PRKN: variants seen among roughly 807,000 people sequenced by gnomAD.
The protein encoded by PRKN is parkin RBR E3 ubiquitin protein ligase, also known as E3 ubiquitin-protein ligase parkin.
A neutral mutation model predicts 59.5 loss-of-function variants in PRKN; 56 were observed. The ratio of observed to expected loss-of-function variants is 0.94; its 90% CI spans 0.76 to 1.18. PRKN has a LOEUF of 1.18. Among genes scored for constraint, PRKN ranks in the 50% most tolerant of loss-of-function variants. The pLI is 0.00. For missense variants in PRKN, 657 were observed against 596.4 expected (o/e 1.10, Z -1.06); for synonymous variants, 250 against 222.1 (o/e 1.13, Z -1.12).
chr6:162,001,007 A>G (rs999149232), intron 5 of PRKN, among the ~76,000 whole-genome samples: 8 of 151,976 alleles, frequency 5.3e-5, no homozygotes, highest in East Asian at 1.9e-4. Flanking sequence ...CGATTTGTCT[A>G]TTCTTTTACT....
intron 4 of PRKN, among the ~76,000 whole-genome samples, chr6:162,087,983 T>A (rs1197434023): frequency 6.6e-6 from 1 of 152,132 alleles, no homozygotes; most frequent in Non-Finnish European, 1.5e-5. Flanking sequence ...CTCCTCTGGC[T>A]TGAGAGAGAG....
At chr6:161,367,150 C>T (rs1026863713) in intron 10 of PRKN, among the ~76,000 whole-genome samples, 2 of 151,816 alleles carry the variant, frequency 1.3e-5, no homozygotes, top group Non-Finnish European at 2.9e-5. Context: ...GCCACCACGC[C>T]CGGCTAATTT....
chr6:162,666,633 A>C (rs1435959216), intron 1 of PRKN, among the ~76,000 whole-genome samples: 4 of 152,154 alleles, frequency 2.6e-5, no homozygotes, highest in Non-Finnish European at 5.9e-5. Flanking sequence ...ATTTGAGATT[A>C]ATCATTTTCC....
At chr6:162,572,185 CT>C (rs1439695092) in intron 1 of PRKN, among the ~76,000 whole-genome samples, 2 of 152,112 alleles carry the variant, frequency 1.3e-5, no homozygotes, top group African/African-American at 4.8e-5. Context: ...TGAAGGTGGC[CT>C]TCAGTCTGTC....
intron 7 of PRKN, among the ~76,000 whole-genome samples, chr6:161,658,028 A>AG (rs1280631527): frequency 1.4e-5 from 2 of 146,574 alleles, no homozygotes; most frequent in African/African-American, 5.1e-5. Context: ...AAAAAAAAAA[A>AG]AAAAAAGAAA....
At chr6:161,639,826 A>G (rs1258697255) in intron 7 of PRKN, among the ~76,000 whole-genome samples, 1 of 152,222 alleles carries the variant, frequency 6.6e-6, no homozygotes, top group Admixed American at 6.5e-5. Context: ...ATCCTGTAAC[A>G]CAAAGCAGTT....
intron 2 of PRKN, among the ~76,000 whole-genome samples, chr6:162,281,589 G>A (rs989575726): frequency 1.3e-5 from 2 of 152,006 alleles, no homozygotes; most frequent in African/African-American, 4.8e-5. Context: ...AAAATCCAAA[G>A]TTGCTTATAA....
At chr6:161,636,287 C>T (rs1342926803) in intron 7 of PRKN, among the ~76,000 whole-genome samples, 2 of 152,218 alleles carry the variant, frequency 1.3e-5, no homozygotes, top group East Asian at 1.9e-4. Flanking sequence ...TCTCCCAGCC[C>T]TGATTTGTGG....
At chr6:161,615,287 C>G (rs961887538) in intron 7 of PRKN, among the ~76,000 whole-genome samples, 1 of 152,046 alleles carries the variant, frequency 6.6e-6, no homozygotes, top group Non-Finnish European at 1.5e-5. Context: ...CTCATCCACA[C>G]TTTTACAATA....
At chr6:162,608,932 G>A (rs1782030901) in intron 1 of PRKN, among the ~76,000 whole-genome samples, 1 of 152,070 alleles carries the variant, frequency 6.6e-6, no homozygotes, top group Non-Finnish European at 1.5e-5. Flanking sequence ...AGTAGCACAG[G>A]GGAGAAAGTC....
At chr6:162,612,332 G>T (rs1263582022) in intron 1 of PRKN, among the ~76,000 whole-genome samples, 2 of 151,982 alleles carry the variant, frequency 1.3e-5, no homozygotes, top group Non-Finnish European at 2.9e-5. Flanking sequence ...CATCTAGTCA[G>T]GGCTGTCCTA....
At position 161,354,835 on chromosome 6, in the gene PRKN, T is replaced by TA; in HGVS notation, c.1286-4625dup. ...TGTTTGTAAGTTAAAAATTTGGAGG[T>TA]AAAAAATTAGTGCTTTCATTTATAG... is the stretch of plus-strand genomic sequence containing the variant. On this transcript the variant is annotated intron_variant, in intron 11 of 11. Coordinates refer to ENST00000366898, the MANE Select transcript of PRKN (RefSeq NM_004562.3). This position sits in a 1 kb window ranked among gnomAD's most constrained non-coding sequence, Gnocchi z 6.7. Among the ~76,000 whole-genome samples the TA allele has an allele frequency of 6.6e-6, 1 of 152,218 alleles. No homozygotes were observed. The highest frequency in any genetic ancestry group is 2.1e-4 in the South Asian group (1 of 4,824).
At chr6:161,876,912 C>G (rs544074276) in intron 6 of PRKN, among the ~76,000 whole-genome samples, 151 of 152,190 alleles carry the variant, frequency 9.9e-4, no homozygotes, top group Middle Eastern at 3.4e-3. Context: ...AATGTCAAGT[C>G]TATTAAAATT....
chr6:162,584,380 T>A (rs1233326545), intron 1 of PRKN, among the ~76,000 whole-genome samples: 2 of 152,070 alleles, frequency 1.3e-5, no homozygotes, highest in African/African-American at 4.8e-5. Context: ...CATTAGTCAA[T>A]AAACAAAGTC....
intron 6 of PRKN, among the ~76,000 whole-genome samples, chr6:161,849,060 T>C (rs180919681): frequency 3.5e-4 from 54 of 152,328 alleles, no homozygotes; most frequent in Admixed American, 3.3e-3. Context: ...GATGAGGTGC[T>C]AGACTTAATT....
chr6:161,408,027 C>T (rs903000864), intron 9 of PRKN, among the ~76,000 whole-genome samples: 1 of 152,302 alleles, frequency 6.6e-6, no homozygotes, highest in South Asian at 2.1e-4. Context: ...GAATAAACAG[C>T]TTTATTGCTC....
At position 162,272,932 on chromosome 6, in the gene PRKN, G is replaced by A. The variant is rs376414865; in HGVS notation, c.172-10167C>T. On this transcript the variant is annotated intron_variant, in intron 2 of 11. Transcript: ENST00000366898. ...AGGATACTCGTTTGAGCCGGGAGGC[G>A]GAGGTTGCAGTGAGCCTAGATCGGG... Among the ~76,000 whole-genome samples, 8 of 150,130 alleles carry A rather than the reference G, an allele frequency of 5.3e-5. 1 individual carries two copies. The highest frequency in any genetic ancestry group is 2.0e-4 in the Admixed American group (3 of 15,008).
At chr6:161,748,381 G>A (rs1429641746) in intron 7 of PRKN, among the ~76,000 whole-genome samples, 1 of 149,524 alleles carries the variant, frequency 6.7e-6, no homozygotes, top group African/African-American at 2.5e-5. Context: ...TACCACAAAT[G>A]TGTACCTAAA....
At chr6:162,515,553 A>G (rs963246960) in intron 1 of PRKN, among the ~76,000 whole-genome samples, 6 of 152,204 alleles carry the variant, frequency 3.9e-5, no homozygotes, top group Non-Finnish European at 7.3e-5. Context: ...TGTTGGTAAT[A>G]TAAGTATTGG....
Sources: allele counts gnomAD v4.1 joint callset (sites outside exome capture counted in the v4.1 genomes callset), GRCh38; gene constraint gnomAD v4.1.1; non-coding constraint Gnocchi (gnomAD v3.1); transcripts MANE v1.5; gene names NCBI Gene and HGNC (gene_info 2026-07-23, HGNC 2026-07-21).